Variants in TRAPPC9 observed in about 807,000 individuals in gnomAD.
TRAPPC9 encodes IKK2 binding protein.
In TRAPPC9, 83 loss-of-function variants were observed where a neutral mutation model predicts 124.0. That is an observed-to-expected ratio of 0.67 (90% CI 0.56 to 0.80). TRAPPC9 has a LOEUF of 0.80. Among genes scored for constraint, TRAPPC9 ranks in the 30% least tolerant of loss-of-function variants. The probability of loss-of-function intolerance (pLI) is 0.00; values close to 1 mark genes in which losing one functional copy is unlikely to be tolerated. For missense variants in TRAPPC9, 1,302 were observed against 1,508.3 expected (o/e 0.86, Z 2.27); for synonymous variants, 638 against 617.5 (o/e 1.03, Z -0.49).
chr8:140,440,717 GT>G (rs1438260949), intron 2 of TRAPPC9, among the ~76,000 whole-genome samples: 1 of 151,954 alleles, frequency 6.6e-6, no homozygotes. Context: ...GCTCAATTCA[GT>G]CGTAGGGAGA....
chr8:139,737,548 C>T (rs1056676605), intron 21 of TRAPPC9, among the ~76,000 whole-genome samples: 2 of 137,940 alleles, frequency 1.4e-5, no homozygotes, highest in East Asian at 2.4e-4. Context: ...CTGGGGCTGG[C>T]CCCCGTCGGG....
Position 140,454,804 on chromosome 8 carries a change from T to TG in TRAPPC9, c.-11+2834dup, listed in dbSNP as rs1430911560. The stretch of plus-strand genomic sequence containing the variant: ...AAATACAAAAATTAGCCAGGCTTGG[T>TG]GGCATGCACCTATAATTCCAGCTAC... On this transcript the variant is annotated intron_variant, in intron 1 of 22. Coordinates refer to ENST00000438773, the MANE Select transcript of TRAPPC9 (RefSeq NM_001160372.4). Among the ~76,000 whole-genome samples the TG allele has an allele frequency of 3.3e-5, 5 of 151,606 alleles. 1 individual carries two copies. Among genetic ancestry groups the TG allele is most frequent in the South Asian group, 2.1e-4 (1 of 4,824 alleles).
intron 20 of TRAPPC9, among the ~76,000 whole-genome samples, chr8:139,897,283 C>T (rs1394822651): frequency 2.6e-5 from 4 of 152,242 alleles, no homozygotes; most frequent in East Asian, 3.8e-4. Context: ...GGCAGTGAGC[C>T]GTGAGGTCCA....
intron 7 of TRAPPC9, among the ~76,000 whole-genome samples, chr8:140,374,712 G>A (rs145037707): frequency 6.6e-6 from 1 of 152,120 alleles, no homozygotes; most frequent in Non-Finnish European, 1.5e-5. Flanking sequence ...GGGCAGAGAA[G>A]GGGGCAGAGA....
intron 17 of TRAPPC9, among the ~76,000 whole-genome samples, chr8:140,160,234 G>A (rs942757894): frequency 3.3e-5 from 5 of 152,206 alleles, no homozygotes; most frequent in Non-Finnish European, 7.3e-5. Flanking sequence ...TGAAGACAGT[G>A]TGGCGATCCC....
chr8:140,228,039 T>C (rs566909504), intron 16 of TRAPPC9, among the ~76,000 whole-genome samples: 1 of 152,330 alleles, frequency 6.6e-6, no homozygotes, highest in African/African-American at 2.4e-5. Context: ...CTGTACACCA[T>C]GCGTTCCACT....
At chr8:139,741,802 G>A (rs901405633) in intron 21 of TRAPPC9, among the ~76,000 whole-genome samples, 4 of 152,088 alleles carry the variant, frequency 2.6e-5, no homozygotes, top group Non-Finnish European at 4.4e-5. Flanking sequence ...GGCTTCCTTC[G>A]CAGAGCATGA....
intron 17 of TRAPPC9, among the ~76,000 whole-genome samples, chr8:140,171,519 T>C (rs1452584930): frequency 6.6e-6 from 1 of 152,218 alleles, no homozygotes; most frequent in Non-Finnish European, 1.5e-5. Context: ...TTCTCTATGC[T>C]TACAGCTATG....
rs548978086 is a variant in TRAPPC9 at position 139,800,980 on chromosome 8, T to C, written c.3056-68778A>G. 1.2e-4 allele frequency among the ~76,000 whole-genome samples: 14 copies of C among 121,726 alleles called. No individual in the cohort carries two copies. The East Asian group carries it at 1.9e-3, about 17-fold the overall frequency. The allele number at this position is 121,726 out of a possible 152,430, so 79.9% of individuals were successfully genotyped here. A position where few individuals can be genotyped will look rare whatever the true frequency, so the allele number is the denominator to read the frequency against. ...ACCTGTACCTTCCCTCCCTCCGGCA[T>C]CTTCCCCCGCTCTGGCACCTTCCCT... On this transcript the variant is annotated intron_variant, in intron 21 of 22. Transcript: ENST00000438773.
intron 19 of TRAPPC9, among the ~76,000 whole-genome samples, chr8:139,974,906 G>A (rs1397583317): frequency 6.6e-6 from 1 of 152,000 alleles, no homozygotes; most frequent in East Asian, 1.9e-4. Flanking sequence ...TCTGCCGAGG[G>A]CACCTCCACA....
intron 17 of TRAPPC9, among the ~76,000 whole-genome samples, chr8:140,081,286 G>A (rs1843799862): frequency 6.6e-6 from 1 of 151,246 alleles, no homozygotes; most frequent in Non-Finnish European, 1.5e-5. Flanking sequence ...TGGCTCCAAT[G>A]TCTTCTCTTT....
At chr8:140,152,187 A>G (rs2061553812) in intron 17 of TRAPPC9, among the ~76,000 whole-genome samples, 1 of 149,432 alleles carries the variant, frequency 6.7e-6, no homozygotes, top group Non-Finnish European at 1.5e-5. Context: ...TTGACTATTC[A>G]TTAAGTTAAC....
chr8:140,172,372 AGTTAAACTACCTGTGGGCAATGGAGGGGG>A (rs2061983074), intron 17 of TRAPPC9, among the ~76,000 whole-genome samples: 10 of 143,862 alleles, frequency 7.0e-5, no homozygotes, highest in Admixed American at 1.4e-4. Context: ...ATGGAGGGGG[AGTTAAACTACCTGTGGGCAATGGAGGGGG>A]GTTAAACTAC....
chr8:140,121,993 T>G (rs2060995291), intron 17 of TRAPPC9, among the ~76,000 whole-genome samples: 1 of 151,500 alleles, frequency 6.6e-6, no homozygotes, highest in Non-Finnish European at 1.5e-5. Context: ...TAGGCTCATG[T>G]TGCTGGAGTC....
At chr8:140,337,855 C>T (rs926438311) in intron 9 of TRAPPC9, among the ~76,000 whole-genome samples, 4 of 152,190 alleles carry the variant, frequency 2.6e-5, no homozygotes, top group African/African-American at 4.8e-5. Context: ...GCAAGCACCA[C>T]GGGCCGGGCA....
At chr8:139,932,411 C>G (rs1402982939) in intron 19 of TRAPPC9, 1 of 457,872 alleles carries the variant, frequency 2.2e-6, no homozygotes, top group Non-Finnish European at 4.4e-6. Context: ...GGTATGGCTC[C>G]CTTTCTTTCT....
chr8:140,135,109 G>A (rs1227962704), intron 17 of TRAPPC9, among the ~76,000 whole-genome samples: 4 of 152,148 alleles, frequency 2.6e-5, no homozygotes, highest in South Asian at 2.1e-4. Flanking sequence ...TCAAAAGCAC[G>A]ATGAGATAAC....
chr8:139,738,981 G>C (rs932684002), intron 21 of TRAPPC9, among the ~76,000 whole-genome samples: 1 of 152,166 alleles, frequency 6.6e-6, no homozygotes, highest in African/African-American at 2.4e-5. Context: ...TAGGAATGTC[G>C]GCTCCTGCCC....
At chr8:140,049,667 C>T (rs1841855873) in intron 17 of TRAPPC9, among the ~76,000 whole-genome samples, 1 of 152,060 alleles carries the variant, frequency 6.6e-6, no homozygotes, top group African/African-American at 2.4e-5. Flanking sequence ...GGGAAGGTCA[C>T]AGGGACCCCC....
Sources: allele counts gnomAD v4.1 joint callset (sites outside exome capture counted in the v4.1 genomes callset), GRCh38; gene constraint gnomAD v4.1.1; transcripts MANE v1.5; gene names NCBI Gene and HGNC (gene_info 2026-07-23, HGNC 2026-07-21).